NELL2: variants seen among roughly 807,000 people sequenced by gnomAD.
The protein encoded by NELL2 is protein kinase C-binding protein NELL2.
In NELL2, 41 loss-of-function variants were observed where a neutral mutation model predicts 109.6. The ratio of observed to expected loss-of-function variants is 0.37; its 90% confidence interval spans 0.29 to 0.49. The LOEUF (loss-of-function observed/expected upper bound fraction) is 0.49, where lower values mean the gene tolerates loss of function less well. Ranked by LOEUF, NELL2 falls within the 20% of genes least tolerant of loss-of-function variation. The pLI is 0.98. For missense variants in NELL2, 900 were observed against 1,008.3 expected (o/e 0.89, Z 1.45); for synonymous variants, 355 against 344.7 (o/e 1.03, Z -0.33).
intron 15 of NELL2, among the ~76,000 whole-genome samples, chr12:44,542,291 C>CT (rs34309919): frequency 0.58 from 82,544 of 142,100 alleles, 23,809 homozygotes; most frequent in East Asian, 0.77. Flanking sequence ...ATATATTAGT[C>CT]TTTTTTTTTT....
At chr12:44,892,753 G>T (rs957689842) in intron 1 of NELL2, among the ~76,000 whole-genome samples, 7 of 133,520 alleles carry the variant, frequency 5.2e-5, no homozygotes, top group Non-Finnish European at 3.0e-5. Context: ...AGCCGAGATC[G>T]CACCACTGCA....
intron 12 of NELL2, among the ~76,000 whole-genome samples, chr12:44,685,776 G>A (rs572156494): frequency 1.3e-5 from 2 of 152,124 alleles, no homozygotes; most frequent in African/African-American, 2.4e-5. Context: ...AGTTTCTGCG[G>A]AGAGATCTGC....
At chr12:44,591,517 G>A (rs948957055) in intron 15 of NELL2, among the ~76,000 whole-genome samples, 1 of 152,132 alleles carries the variant, frequency 6.6e-6, no homozygotes, top group African/African-American at 2.4e-5. Context: ...TAAGCCAGGT[G>A]CAGAAAGAGA....
chr12:44,673,406 T>C (rs549038963), intron 12 of NELL2, among the ~76,000 whole-genome samples: 16 of 152,352 alleles, frequency 1.1e-4, no homozygotes, highest in African/African-American at 2.2e-4. Flanking sequence ...GTATATTCTA[T>C]GTACAAAGGC....
chr12:44,791,098 T>TACACAC lies in NELL2; in HGVS notation c.336-11077_336-11076insGTGTGT, dbSNP rs1491209710. ...ATATATATACATATATATATATATG[T>TACACAC]ATATATATATGTATATATATATGTA... On this transcript the variant is annotated intron_variant, in intron 3 of 19. Coordinates refer to ENST00000429094, the MANE Select transcript of NELL2 (RefSeq NM_001145108.2). Among the ~76,000 whole-genome samples the TACACAC allele has an allele frequency of 6.7e-4, 11 of 16,334 alleles. No homozygotes were observed. The East Asian group carries it at 0.011, about 16-fold the overall frequency. The allele number at this position is 16,334 out of a possible 152,430, so 10.7% of individuals were successfully genotyped here. A position where few individuals can be genotyped will look rare whatever the true frequency, so the allele number is the denominator to read the frequency against.
At chr12:44,597,924 C>G (rs1418760084) in intron 15 of NELL2, among the ~76,000 whole-genome samples, 1 of 152,110 alleles carries the variant, frequency 6.6e-6, no homozygotes, top group Non-Finnish European at 1.5e-5. Context: ...GCAGGAGATG[C>G]TTTTGTTTGT....
Position 44,779,883 on chromosome 12 carries a change from C to T in NELL2, c.475G>A (p.Ala159Thr). The change falls in exon 4 of 20, where the codon GCT becomes ACT. Residue 159 changes from alanine to threonine, a missense_variant. By Grantham distance (58) the Ala-to-Thr change is moderately conservative (BLOSUM62 0). Around this residue, in one of 4 missense-constraint regions of NELL2, gnomAD observed 200 missense variants for 191.8 expected, o/e 1.04. Transcript: ENST00000429094. ...KWHKLSLAIS[A>T]SHLILHIDCN... ...TCAATGTGTAAAATCAAATGGGAAG[C>T]ACTGATGGCTAAGGAGAGCTTGTGC... The T allele has an allele frequency of 1.2e-6, 2 of 1,613,872 alleles. No individual in the cohort carries two copies. Among genetic ancestry groups the T allele is most frequent in the Non-Finnish European group, 1.7e-6 (2 of 1,179,810 alleles).
intron 2 of NELL2, among the ~76,000 whole-genome samples, chr12:44,862,781 A>T (rs1423503708): frequency 6.6e-6 from 1 of 152,218 alleles, no homozygotes; most frequent in Non-Finnish European, 1.5e-5. Context: ...CAGAATGATC[A>T]ACTGGAAGAA....
intron 3 of NELL2, among the ~76,000 whole-genome samples, chr12:44,794,173 C>T (rs186180841): frequency 2.0e-5 from 3 of 152,262 alleles, no homozygotes; most frequent in African/African-American, 7.2e-5. Context: ...TAGTAAGCTA[C>T]TTCACCCCTA....
chr12:44,658,877 CAAAAAAA>C (rs58696965), intron 13 of NELL2, among the ~76,000 whole-genome samples: 12 of 69,926 alleles, frequency 1.7e-4, no homozygotes, highest in South Asian at 5.7e-4. Flanking sequence ...ACTCTGTCTC[CAAAAAAA>C]AAAAAAAAAA....
chr12:44,685,377 G>T (rs1948678811), intron 12 of NELL2, among the ~76,000 whole-genome samples: 3 of 152,056 alleles, frequency 2.0e-5, no homozygotes, highest in Admixed American at 6.5e-5. Context: ...CAATTTGCCA[G>T]TCTGTGTCTT....
rs1026432888 is a variant in NELL2, at chr12:44,525,616, G to A, written c.1805-2132C>T. ...TTCCCAAATTAAATATCTATACAAG[G>A]TGTGTATTCTGCTTTGAAAAACCTA... On this transcript the variant is annotated intron_variant, in intron 16 of 19. Transcript: ENST00000429094. Among the ~76,000 whole-genome samples, 9 of 152,270 alleles carry A rather than the reference G, an allele frequency of 5.9e-5. No individual in the cohort carries two copies. In the East Asian group the frequency reaches 1.7e-3, roughly 29 times the overall value.
At chr12:44,713,698 T>A (rs529355277) in intron 10 of NELL2, among the ~76,000 whole-genome samples, 7 of 151,944 alleles carry the variant, frequency 4.6e-5, no homozygotes, top group Middle Eastern at 3.4e-3. Context: ...CCTCTTTGCA[T>A]CTCCTCCTTG....
At chr12:44,591,856 G>A (rs912246695) in intron 15 of NELL2, among the ~76,000 whole-genome samples, 14 of 152,164 alleles carry the variant, frequency 9.2e-5, no homozygotes, top group African/African-American at 1.7e-4. Flanking sequence ...TACATGTATC[G>A]AAATATGACT....
At chr12:44,891,526 G>T (rs551985585) in intron 1 of NELL2, among the ~76,000 whole-genome samples, 2 of 152,250 alleles carry the variant, frequency 1.3e-5, no homozygotes, top group Admixed American at 1.3e-4. Context: ...CCATGTTATT[G>T]TCATTGTTGT....
intron 15 of NELL2, among the ~76,000 whole-genome samples, chr12:44,580,542 G>C (rs991532109): frequency 6.6e-6 from 1 of 151,996 alleles, no homozygotes; most frequent in Non-Finnish European, 1.5e-5. Context: ...CATGGAGAAA[G>C]CCCATCTCTA....
At position 44,711,393 on chromosome 12, in the gene NELL2, T is replaced by C; in HGVS notation, c.1088A>G (p.Asp363Gly). The stretch of plus-strand genomic sequence containing the variant: ...ACTCTCAACAAGTTTCATGGTCTGG[T>C]CCTGTTAGACAACAGAAAAGAAGTG... The part of the protein sequence containing the change: ...SGVCVLYECK[D>G]QTMKLVESSG... Residue 363 changes from aspartate (D) to glycine (G), a missense_variant and splice_region_variant, in exon 11 of 20, where the codon GAC (aspartate) becomes GGC (glycine). Transcript: ENST00000429094. The C allele has an allele frequency of 6.2e-7, 1 of 1,611,202 alleles. No individual in the cohort carries two copies. Among genetic ancestry groups the C allele is most frequent in the Non-Finnish European group, 8.5e-7 (1 of 1,177,748 alleles).
At chr12:44,572,458 T>C (rs1943911772) in intron 15 of NELL2, among the ~76,000 whole-genome samples, 1 of 152,286 alleles carries the variant, frequency 6.6e-6, no homozygotes, top group African/African-American at 2.4e-5. Flanking sequence ...CTGCTCTTTT[T>C]GATAATAATA....
At chr12:44,767,364 G>A (rs1375123155) in intron 9 of NELL2, among the ~76,000 whole-genome samples, 1 of 152,062 alleles carries the variant, frequency 6.6e-6, no homozygotes, top group Non-Finnish European at 1.5e-5. Context: ...CTGAAACCCG[G>A]AGAGACGTGC....
Sources: allele counts gnomAD v4.1 joint callset (sites outside exome capture counted in the v4.1 genomes callset), GRCh38; gene constraint gnomAD v4.1.1; regional missense constraint gnomAD v4.1.1; transcripts MANE v1.5; gene names NCBI Gene and HGNC (gene_info 2026-07-23, HGNC 2026-07-21).